PPARA: variants seen among roughly 807,000 people sequenced by gnomAD.
The protein encoded by PPARA is peroxisome proliferator activated receptor alpha.
A neutral mutation model predicts 42.2 loss-of-function variants in PPARA; 22 were observed. The observed-to-expected ratio is 0.52, with a 90% CI of 0.37 to 0.74. PPARA has a LOEUF of 0.74. Among genes scored for constraint, PPARA ranks in the 30% least tolerant of loss-of-function variants. The probability of loss-of-function intolerance (pLI) is 0.00; values close to 1 mark genes in which losing one functional copy is unlikely to be tolerated. For missense variants in PPARA, 465 were observed against 608.2 expected, an observed-to-expected ratio of 0.76 and a Z score of 2.48; for synonymous variants, 242 against 239.3, an observed-to-expected ratio of 1.01 and a Z score of -0.10.
chr22:46,208,281 A>G (rs1933586014), intron 4 of PPARA, among the ~76,000 whole-genome samples: 1 of 152,038 alleles, frequency 6.6e-6, no homozygotes, highest in Non-Finnish European at 1.5e-5. Context: ...CTGCTCCTTG[A>G]GGCCAGGCCC....
At position 46,211,258 on chromosome 22, in the gene PPARA, G is replaced by A. The variant is rs114252614; in HGVS notation, c.209-3915G>A. On this transcript the variant is annotated intron_variant, in intron 4 of 8. Coordinates refer to ENST00000407236, the MANE Select transcript of PPARA (RefSeq NM_005036.6). The surrounding 1 kb of genome is among the most constrained non-coding windows in gnomAD (Gnocchi z 4.1). Reference sequence around the variant, plus strand: ...GCCCTCATCTGTTACCAGATGGATCGTTCTAGCCTCCTCCACTTGCCTACC... The same window carrying A: ...GCCCTCATCTGTTACCAGATGGATCATTCTAGCCTCCTCCACTTGCCTACC... 6.8e-3 allele frequency among the ~76,000 whole-genome samples: 1,040 copies of A among 152,238 alleles called. 13 individuals carry two copies. The highest frequency in any genetic ancestry group is 0.021 in the African/African-American group (883 of 41,518).
intron 2 of PPARA, chr22:46,155,807 A>G (rs1315243709): frequency 1.3e-5 from 2 of 152,224 alleles, no homozygotes; most frequent in Admixed American, 6.5e-5. Flanking sequence ...CAAATAGGAG[A>G]AAGCCTTAGC....
chr22:46,214,752 TGCAGGTCCGGAGATGC>T (rs1365143355), intron 4 of PPARA, among the ~76,000 whole-genome samples: 1 of 139,150 alleles, frequency 7.2e-6, no homozygotes, highest in Non-Finnish European at 1.5e-5. Context: ...ATGGGAGATG[TGCAGGTCCGGAGATGC>T]GCGGGGCGGA....
At position 46,221,918 on chromosome 22, in the gene PPARA, A is replaced by G. The variant is rs1484362110; in HGVS notation, c.711+1904A>G. Among the ~76,000 whole-genome samples, 1 of 152,098 alleles carries G rather than the reference A, an allele frequency of 6.6e-6. No homozygotes were observed. The highest frequency in any genetic ancestry group is 2.4e-5 in the African/African-American group (1 of 41,404). On this transcript the variant is annotated intron_variant, in intron 7 of 8. Transcript: ENST00000407236. This position sits in a 1 kb window ranked among gnomAD's most constrained non-coding sequence, Gnocchi z 5.9. ...TGGTGAAACCCCATCTCTATTAAAAATACAAAAAATTAGCTGGGCATGGTA... is the reference window on the plus strand; with the variant it reads ...TGGTGAAACCCCATCTCTATTAAAAGTACAAAAAATTAGCTGGGCATGGTA...
Position 46,192,385 on chromosome 22 carries a change from TGTTA to T in PPARA, c.-42-5952_-42-5949del, listed in dbSNP as rs1286979344. ...GCAGGTGATGCAGAAAATACCCTCG[TGTTA>T]GTTATGAATTACCGTTGGAATCCTT... On this transcript the variant is annotated intron_variant, in intron 3 of 8. Transcript: ENST00000407236. The surrounding 1 kb of genome is among the most constrained non-coding windows in gnomAD (Gnocchi z 4.3). 6.6e-6 allele frequency among the ~76,000 whole-genome samples: 1 copy of T among 152,242 alleles called. No individual in the cohort carries two copies. The highest frequency in any genetic ancestry group is 2.4e-5 in the African/African-American group (1 of 41,472).
In PPARA at chr22:46,243,623, G is replaced by A. The variant is rs1936436056; in HGVS notation, c.*8243G>A. 1 of 152,448 alleles carries A rather than the reference G, an allele frequency of 6.6e-6. No homozygotes were observed. Among genetic ancestry groups the A allele is most frequent in the African/African-American group, 2.4e-5 (1 of 41,422 alleles). The allele number at this position is 152,448 out of a possible 1,614,324, so 9.4% of individuals were successfully genotyped here. On this transcript the variant is annotated 3_prime_UTR_variant, in exon 9 of 9. Coordinates refer to ENST00000407236, the MANE Select transcript of PPARA (RefSeq NM_005036.6). This position sits in a 1 kb window ranked among gnomAD's most constrained non-coding sequence, Gnocchi z 5.0. ...GGAGACTGAACTGACCACATGTATTGATTTATATCCTGAATATATGGGAAC... is the reference window on the plus strand; with the variant it reads ...GGAGACTGAACTGACCACATGTATTAATTTATATCCTGAATATATGGGAAC...
In PPARA at chr22:46,191,545, T is replaced by G. The variant is rs1195962582; in HGVS notation, c.-42-6797T>G. ...TTCCTGTCCCTGTGATGATTAAAAT[T>G]CACTCTGCAAATTAGATCACCTTTC... On this transcript the variant is annotated intron_variant, in intron 3 of 8. Coordinates refer to ENST00000407236, the MANE Select transcript of PPARA (RefSeq NM_005036.6). The surrounding 1 kb of genome is among the most constrained non-coding windows in gnomAD (Gnocchi z 4.6). Among the ~76,000 whole-genome samples the G allele has an allele frequency of 6.6e-6, 1 of 152,004 alleles. No individual in the cohort carries two copies. The highest frequency in any genetic ancestry group is 6.6e-5 in the Admixed American group (1 of 15,240).
At position 46,242,289 on chromosome 22, in the gene PPARA, CAG is replaced by C. The variant is rs1936393408; in HGVS notation, c.*6914_*6915del. ...CCCAGGCCTTGGCTGTGCCTCAAGT[CAG>C]AGAGGGTCAGCCTTCAGGCCCCGGA... On this transcript the variant is annotated 3_prime_UTR_variant, in exon 9 of 9. Transcript: ENST00000407236. This position sits in a 1 kb window ranked among gnomAD's most constrained non-coding sequence, Gnocchi z 6.1. The C allele has an allele frequency of 1.3e-5, 2 of 152,632 alleles. No homozygotes were observed. The highest frequency in any genetic ancestry group is 3.9e-4 in the East Asian group (2 of 5,194). The allele number at this position is 152,632 out of a possible 1,614,324, so 9.5% of individuals were successfully genotyped here.
intron 2 of PPARA, chr22:46,164,696 A>G (rs1391229723): frequency 1.3e-5 from 2 of 149,468 alleles, no homozygotes; most frequent in Non-Finnish European, 3.0e-5. Context: ...GAGGTATTTA[A>G]TGAAGCCTTC....
Position 46,183,146 on chromosome 22 carries a change from C to A in PPARA, c.-43+6310C>A, listed in dbSNP as rs1457896667. On this transcript the variant is annotated intron_variant, in intron 3 of 8. Coordinates refer to ENST00000407236, the MANE Select transcript of PPARA (RefSeq NM_005036.6). This position sits in a 1 kb window ranked among gnomAD's most constrained non-coding sequence, Gnocchi z 5.5. ...CATCTGAGGACCCACACTCGGGTGC[C>A]CCAATGTGGCGGTGCTTACAGAAAT... 6.6e-6 allele frequency among the ~76,000 whole-genome samples: 1 copy of A among 152,176 alleles called. No homozygotes were observed. Among genetic ancestry groups the A allele is most frequent in the African/African-American group, 2.4e-5 (1 of 41,442 alleles).
At chr22:46,205,199 TC>T (rs906430546) in intron 4 of PPARA, among the ~76,000 whole-genome samples, 1 of 151,506 alleles carries the variant, frequency 6.6e-6, no homozygotes, top group African/African-American at 2.4e-5. Flanking sequence ...TTTATCAATG[TC>T]CTTTTTTTAT....
chr22:46,170,000 A>T (rs981367222), intron 2 of PPARA, among the ~76,000 whole-genome samples: 7 of 152,028 alleles, frequency 4.6e-5, no homozygotes, highest in African/African-American at 1.7e-4. Flanking sequence ...CCAGGCTGTC[A>T]TGGGATGCAC....
At position 46,226,326 on chromosome 22, in the gene PPARA, C is replaced by G. The variant is rs182558163; in HGVS notation, c.712-5466C>G. Among the ~76,000 whole-genome samples, 44 of 152,332 alleles carry G rather than the reference C, an allele frequency of 2.9e-4. 1 individual carries two copies. In the East Asian group the frequency reaches 4.8e-3, roughly 17 times the overall value. On this transcript the variant is annotated intron_variant, in intron 7 of 8. Coordinates refer to ENST00000407236, the MANE Select transcript of PPARA (RefSeq NM_005036.6). ...CCTTCCAAAAAATGAGTGTGGTGTT[C>G]AGTTAAACAACCAAATAATTCTTTA...
chr22:46,206,717 T>C (rs577622041), intron 4 of PPARA, among the ~76,000 whole-genome samples: 5 of 152,218 alleles, frequency 3.3e-5, no homozygotes, highest in African/African-American at 4.8e-5. Context: ...CTTTTTAAGA[T>C]AGTAGTAAGA....
intron 4 of PPARA, among the ~76,000 whole-genome samples, chr22:46,207,651 TTATTATTATTA>T (rs1569228030): frequency 1.3e-4 from 14 of 105,944 alleles, no homozygotes; most frequent in African/African-American, 6.7e-4. Flanking sequence ...TAATTTATTA[TTATTATTATTA>T]TTATTATTAT....
intron 1 of PPARA, chr22:46,151,114 CT>C (rs1295852757): frequency 1.3e-5 from 2 of 152,260 alleles, no homozygotes; most frequent in African/African-American, 4.8e-5. Flanking sequence ...TCAGAAGGTG[CT>C]TTCCGAGACC....
intron 2 of PPARA, chr22:46,176,265 C>A (rs1272384233): frequency 6.6e-6 from 1 of 152,264 alleles, no homozygotes; most frequent in African/African-American, 2.4e-5. Flanking sequence ...GCGGGCGGAT[C>A]ACCAGAGGTC....
chr22:46,218,651 T>G (rs1934717265), intron 6 of PPARA, among the ~76,000 whole-genome samples: 2 of 150,666 alleles, frequency 1.3e-5, no homozygotes. Context: ...CTGGCCAATA[T>G]GGTGAAACCC....
At chr22:46,172,005 C>T (rs932476410) in intron 2 of PPARA, among the ~76,000 whole-genome samples, 7 of 152,140 alleles carry the variant, frequency 4.6e-5, no homozygotes, top group African/African-American at 1.4e-4. Flanking sequence ...AAGGCTCCAC[C>T]GCGTTGGGTG....
Sources: gnomAD v4.1 joint callset for allele counts (sites outside exome capture counted in the v4.1 genomes callset) on GRCh38, gnomAD v4.1.1 for gene constraint, Gnocchi (gnomAD v3.1) non-coding constraint, MANE v1.5 for transcripts, NCBI Gene and HGNC (gene_info 2026-07-23, HGNC 2026-07-21) for gene names.